Variants in SYCE1 observed in about 807,000 individuals in gnomAD.
The protein encoded by SYCE1 is cancer/testis antigen 76.
A neutral mutation model predicts 55.1 loss-of-function variants in SYCE1; 37 were observed. The ratio of observed to expected loss-of-function variants is 0.67; its 90% CI spans 0.52 to 0.88. The LOEUF (loss-of-function observed/expected upper bound fraction) is 0.88, where lower values mean the gene tolerates loss of function less well. SYCE1 is among the 40% of genes least tolerant of loss of function. The probability of loss-of-function intolerance (pLI) is 0.00; values close to 1 mark genes in which losing one functional copy is unlikely to be tolerated. For missense variants in SYCE1, 399 were observed against 416.4 expected, an observed-to-expected ratio of 0.96 and a Z score of 0.36; for synonymous variants, 163 against 159.4, an observed-to-expected ratio of 1.02 and a Z score of -0.17.
chr10:133,567,099 A>T (rs550858368), upstream of SYCE1, among the ~76,000 whole-genome samples: 1 of 149,330 alleles, frequency 6.7e-6, no homozygotes, highest in African/African-American at 2.5e-5. Context: ...GGTAGGGGTT[A>T]GGTGTAGGAG....
upstream of SYCE1, chr10:133,565,702 G>A (rs1372201998): frequency 6.5e-6 from 4 of 612,190 alleles, no homozygotes; most frequent in Non-Finnish European, 1.1e-5. Context: ...GTGCGCATGC[G>A]TAAAGGCGCG....
At chr10:133,567,538 C>G (rs910518876), upstream of SYCE1, among the ~76,000 whole-genome samples, 1 of 152,146 alleles carries the variant, frequency 6.6e-6, no homozygotes, top group African/African-American at 2.4e-5. Context: ...ATCCACTCTT[C>G]TGGGCAGGTG....
intron 3 of SYCE1, 58 bp downstream of exon 3, chr10:133,559,243 C>T (rs1449946560): frequency 1.3e-6 from 2 of 1,575,644 alleles, no homozygotes; most frequent in East Asian, 2.2e-5. Context: ...TCACTTGGCA[C>T]TGAGCCCCGC....
At chr10:133,557,046 G>A in intron 7 of SYCE1, 21 bp downstream of exon 7, 2 of 1,610,076 alleles carry the variant, frequency 1.2e-6, no homozygotes, top group Middle Eastern at 1.7e-4. Flanking sequence ...CAAACCCCCT[G>A]CCTCAGATGC....
At chr10:133,565,987 T>C (rs1301210132), upstream of SYCE1, among the ~76,000 whole-genome samples, 3 of 151,896 alleles carry the variant, frequency 2.0e-5, no homozygotes, top group Non-Finnish European at 4.4e-5. Flanking sequence ...GCCGCGGGAG[T>C]GCACGGGCCC....
At chr10:133,562,301 G>A in intron 1 of SYCE1, among the ~76,000 whole-genome samples, 1 of 134,590 alleles carries the variant, frequency 7.4e-6, no homozygotes, top group African/African-American at 2.7e-5. Context: ...GTGTGTGTGT[G>A]TGTGTGTGTG....
intron 7 of SYCE1, 66 bp downstream of exon 7, chr10:133,557,001 C>T (rs1054313012): frequency 2.6e-6 from 4 of 1,539,062 alleles, no homozygotes; most frequent in Non-Finnish European, 3.6e-6. Flanking sequence ...TTTCTAACCC[C>T]CATCTTTGAC....
At chr10:133,560,535 C>T (rs535581495) in intron 1 of SYCE1, 2 of 159,450 alleles carry the variant, frequency 1.3e-5, no homozygotes, top group East Asian at 1.8e-4. Context: ...GAGTTTTCTA[C>T]AAAACCATAA....
In SYCE1 at chr10:133,555,359, C is replaced by T. The variant is rs1465192145; in HGVS notation, c.910G>A (p.Gly304Arg). 6.2e-7 allele frequency: 1 copy of T among 1,614,020 alleles called. No individual in the cohort carries two copies. The highest frequency in any genetic ancestry group is 1.1e-5 in the South Asian group (1 of 91,078). ...QSTQEEEAGP[G>R]DVASPKPLKG... Reference sequence around the variant, plus strand: ...CCACTTCTGGGGCTTACCACATCTCCTGGGCCAGCCTCTTCCTCTTGTGTG... The same window carrying T: ...CCACTTCTGGGGCTTACCACATCTCTTGGGCCAGCCTCTTCCTCTTGTGTG... The change falls in exon 12 of 13, where the codon GGA becomes AGA. Residue 304 changes from glycine to arginine, a missense_variant. Physicochemically the swap from Gly to Arg is moderately radical, Grantham distance 125. Coordinates refer to ENST00000343131, the MANE Select transcript of SYCE1 (RefSeq NM_001143764.3).
At position 133,560,127 on chromosome 10, in the gene SYCE1, C is replaced by A; in HGVS notation, c.100G>T (p.Glu34Ter). The change falls in exon 2 of 13, where the codon GAA (glutamate) becomes TAA (stop). Residue 34 changes from glutamate (E) to a stop codon, truncating the protein, a stop_gained. Coordinates refer to ENST00000343131, the MANE Select transcript of SYCE1 (RefSeq NM_001143764.3). LOFTEE classifies it high-confidence loss of function. ...GGQDTSSQKI[E>*]DLMEMVQKLQ... is the part of the protein sequence containing the mutation. Reference sequence around the variant, plus strand: ...TTTTGCACCATTTCCATCAAGTCTTCAATTTTCTGTGAGGACGTGTCCTGC... The same window carrying A: ...TTTTGCACCATTTCCATCAAGTCTTAAATTTTCTGTGAGGACGTGTCCTGC... The A allele has an allele frequency of 6.2e-7, 1 of 1,614,070 alleles. No individual in the cohort carries two copies. The highest frequency in any genetic ancestry group is 8.5e-7 in the Non-Finnish European group (1 of 1,180,002).
chr10:133,557,272 C>A, intron 6 of SYCE1, 116 bp from the exon 7 acceptor site: 1 of 805,532 alleles, frequency 1.2e-6, no homozygotes, highest in Non-Finnish European at 2.1e-6. Context: ...TAAGGTCCTT[C>A]TCTGTAACAT....
Position 133,559,291 on chromosome 10 carries a change from C to G in SYCE1, c.196+10G>C. ...TGGTCCTAGCTGGCAGCCAAGGCCC[C>G]TGAACTCACCTTGCTGGACCTCATT... On this transcript the variant is annotated intron_variant, in intron 3 of 12. Transcript: ENST00000343131. 1.2e-6 allele frequency: 2 copies of G among 1,614,132 alleles called. No homozygotes were observed. The highest frequency in any genetic ancestry group is 1.3e-5 in the African/African-American group (1 of 75,042).
At position 133,555,086 on chromosome 10, in the gene SYCE1, T is replaced by C. The variant is rs3737031; in HGVS notation, c.962A>G (p.His321Arg). 167,850 of 1,550,666 alleles carry C rather than the reference T, an allele frequency of 0.11. 10,459 individuals are homozygous for C. Among genetic ancestry groups the C allele is most frequent in the East Asian group, 0.27 (10,941 of 40,902 alleles). ...TATGAGGACATCAGGCCCTGCTTGG[T>C]GTGCAGCTCCAGGTCTTTCTCCTTT... ...PLKGERPGAA[H>R]QAGPDVLIGQ... Residue 321 changes from histidine to arginine, a missense_variant, in exon 13 of 13, where the codon CAC becomes CGC. Coordinates refer to ENST00000343131, the MANE Select transcript of SYCE1 (RefSeq NM_001143764.3).
chr10:133,557,090 C>T lies in SYCE1; in HGVS notation c.441G>A (p.Glu147=). Residue 147 remains glutamate (E), a synonymous_variant, in exon 7 of 13, where the codon GAG becomes GAA. Coordinates refer to ENST00000343131, the MANE Select transcript of SYCE1 (RefSeq NM_001143764.3). ...ISALNLQIEE[E]KNKQRQLRLA... Reference sequence around the variant, plus strand: ...ACCTCAGCTGTCTCTGTTTGTTCTTCTCTTCTTCAATCTGCAAGTTCAGGG... The same window carrying T: ...ACCTCAGCTGTCTCTGTTTGTTCTTTTCTTCTTCAATCTGCAAGTTCAGGG... 6.2e-7 allele frequency: 1 copy of T among 1,614,116 alleles called. No individual in the cohort carries two copies. Among genetic ancestry groups the T allele is most frequent in the Non-Finnish European group, 8.5e-7 (1 of 1,179,976 alleles).
intron 1 of SYCE1, 138 bp from the exon 2 acceptor site, chr10:133,560,291 G>A: frequency 1.6e-6 from 1 of 634,466 alleles, no homozygotes. Context: ...CAGTACACTA[G>A]ATGAATCGGG....
chr10:133,561,969 T>A (rs1851824816), intron 1 of SYCE1, among the ~76,000 whole-genome samples: 1 of 152,104 alleles, frequency 6.6e-6, no homozygotes, highest in African/African-American at 2.4e-5. Flanking sequence ...TTTTTGATTT[T>A]GACTACTTAA....
chr10:133,558,416 G>A (rs67106646), intron 4 of SYCE1: 69,584 of 619,068 alleles, frequency 0.11, 4,817 homozygotes, highest in East Asian at 0.27. Context: ...GAGGGTGGCT[G>A]TGAGGGCCCT....
rs1851728252 is a variant in SYCE1 at position 133,557,937 on chromosome 10, G to A, written c.320-19C>T. On this transcript the variant is annotated intron_variant, in intron 5 of 12. Transcript: ENST00000343131. ...AGGGTCTCTGTAGGGAGAGCAACAG[G>A]GCCCTATGAGAACCTGTCAAGGTAT... 6.2e-7 allele frequency: 1 copy of A among 1,613,830 alleles called. No individual in the cohort carries two copies. Among genetic ancestry groups the A allele is most frequent in the Middle Eastern group, 1.7e-4 (1 of 5,886 alleles).
At position 133,555,912 on chromosome 10, in the gene SYCE1, C is replaced by T. The variant is rs1027830234; in HGVS notation, c.596-9G>A. On this transcript the variant is annotated splice_polypyrimidine_tract_variant and intron_variant, in intron 9 of 12. Coordinates refer to ENST00000343131, the MANE Select transcript of SYCE1 (RefSeq NM_001143764.3). ...CGCCTTGACCAGCTTCTCTGCAGCA[C>T]AAAGGGGCAGGTGAGCACATGAAGG... 1.9e-6 allele frequency: 3 copies of T among 1,613,800 alleles called. No homozygotes were observed. The highest frequency in any genetic ancestry group is 1.3e-5 in the African/African-American group (1 of 75,038).
Sources: allele counts gnomAD v4.1 joint callset (sites outside exome capture counted in the v4.1 genomes callset), GRCh38; gene constraint gnomAD v4.1.1; transcripts MANE v1.5; gene names NCBI Gene and HGNC (gene_info 2026-07-23, HGNC 2026-07-21).